Variants in GAS7 observed in about 807,000 individuals in gnomAD.
GAS7 encodes growth arrest specific 7, also known as growth arrest-specific protein 7.
GAS7 carries 28 observed loss-of-function variants against 71.1 expected under a neutral mutation model. The observed-to-expected ratio is 0.39, with a 90% CI of 0.29 to 0.54. The LOEUF (loss-of-function observed/expected upper bound fraction) is 0.54. Among genes scored for constraint, GAS7 ranks in the 20% least tolerant of loss-of-function variants. GAS7 has a pLI of 0.62. For synonymous variants in GAS7, 258 were observed against 245.8 expected (o/e 1.05, Z -0.46); for missense variants, 436 against 627.8 (o/e 0.69, Z 3.27).
intron 2 of GAS7, among the ~76,000 whole-genome samples, chr17:10,007,888 C>T (rs987050274): frequency 2.1e-5 from 3 of 144,870 alleles, no homozygotes; most frequent in Non-Finnish European, 4.5e-5. Context: ...CAGTCACTCG[C>T]CATTAATTCC....
intron 2 of GAS7, among the ~76,000 whole-genome samples, chr17:10,010,056 G>C (rs1236222731): frequency 6.6e-6 from 1 of 152,138 alleles, no homozygotes; most frequent in Admixed American, 6.5e-5. Flanking sequence ...GTCACAGCTT[G>C]GCTTATAAAT....
intron 1 of GAS7, among the ~76,000 whole-genome samples, chr17:10,184,623 C>G (rs2074438875): frequency 6.6e-6 from 1 of 152,044 alleles, no homozygotes; most frequent in African/African-American, 2.4e-5. Context: ...TGCAGAATCC[C>G]AGTGTGGTGT....
At chr17:9,947,470 C>T (rs1414362318) in intron 5 of GAS7, among the ~76,000 whole-genome samples, 9 of 152,152 alleles carry the variant, frequency 5.9e-5, no homozygotes, top group Non-Finnish European at 1.3e-4. Context: ...AGCGGCCGGG[C>T]GCGGTGGCTC....
chr17:9,993,015 T>C (rs903303418), intron 2 of GAS7, among the ~76,000 whole-genome samples: 16 of 152,040 alleles, frequency 1.1e-4, no homozygotes, highest in Non-Finnish European at 1.8e-4. Context: ...TGTTGGACAT[T>C]TGGGTTGGTT....
intron 2 of GAS7, among the ~76,000 whole-genome samples, chr17:9,983,780 C>T (rs951044675): frequency 1.3e-5 from 2 of 152,034 alleles, no homozygotes; most frequent in Non-Finnish European, 2.9e-5. Context: ...GAGTGAGACT[C>T]CATCTCAAAA....
intron 1 of GAS7, among the ~76,000 whole-genome samples, chr17:10,145,414 C>G (rs72809390): frequency 1.3e-5 from 2 of 152,100 alleles, no homozygotes; most frequent in African/African-American, 4.8e-5. Flanking sequence ...GTGTAAGACC[C>G]GAAGAGCTCT....
chr17:9,927,497 C>CA (rs2068054155), intron 9 of GAS7, among the ~76,000 whole-genome samples: 3 of 150,988 alleles, frequency 2.0e-5, no homozygotes, highest in Non-Finnish European at 4.4e-5. Flanking sequence ...AAAAACAAAA[C>CA]AAACAAACAA....
intron 1 of GAS7, among the ~76,000 whole-genome samples, chr17:10,072,726 C>A (rs983733416): frequency 2.0e-5 from 3 of 152,134 alleles, no homozygotes; most frequent in African/African-American, 7.2e-5. Flanking sequence ...AAAGAACAGA[C>A]CAGACGGCTT....
At chr17:10,110,599 G>C (rs1002978434) in intron 1 of GAS7, among the ~76,000 whole-genome samples, 1 of 152,088 alleles carries the variant, frequency 6.6e-6, no homozygotes, top group Non-Finnish European at 1.5e-5. Context: ...AGCCTCCCAA[G>C]TAGTTGGGAC....
At chr17:10,134,877 G>C (rs1433853152) in intron 1 of GAS7, among the ~76,000 whole-genome samples, 1 of 151,194 alleles carries the variant, frequency 6.6e-6, no homozygotes, top group East Asian at 1.9e-4. Context: ...CCTATCGCCA[G>C]GCTGGAGTGC....
chr17:10,035,791 C>T (rs2152223917), intron 1 of GAS7, among the ~76,000 whole-genome samples: 1 of 152,282 alleles, frequency 6.6e-6, no homozygotes, highest in Non-Finnish European at 1.5e-5. Flanking sequence ...GAGCTTCCAT[C>T]ATCACTGTTG....
intron 1 of GAS7, among the ~76,000 whole-genome samples, chr17:10,053,253 C>T (rs1454559354): frequency 6.6e-6 from 1 of 152,116 alleles, no homozygotes; most frequent in African/African-American, 2.4e-5. Context: ...ACAACGGCTT[C>T]GCGAGCCTGG....
chr17:10,150,345 T>C (rs1385830229), intron 1 of GAS7, among the ~76,000 whole-genome samples: 1 of 151,680 alleles, frequency 6.6e-6, no homozygotes, highest in Non-Finnish European at 1.5e-5. Flanking sequence ...CTTCCGCCCA[T>C]TCCCCTTTGA....
At chr17:10,093,849 A>G (rs968403196) in intron 1 of GAS7, among the ~76,000 whole-genome samples, 2 of 152,126 alleles carry the variant, frequency 1.3e-5, no homozygotes, top group African/African-American at 4.8e-5. Context: ...ACGTATTTCA[A>G]TACGTGTTAT....
At position 10,065,734 on chromosome 17, in the gene GAS7, A is replaced by G. The variant is rs1427555893; in HGVS notation, c.184-45837T>C. 3.3e-5 allele frequency among the ~76,000 whole-genome samples: 5 copies of G among 152,220 alleles called. No homozygotes were observed. The East Asian group carries it at 9.6e-4, about 29-fold the overall frequency. The stretch of plus-strand genomic sequence containing the variant: ...GGTTCTGGGGATTAGGACGTAGACA[A>G]TCTTGGAGAGCCACTATCAGCTGCC... On this transcript the variant is annotated intron_variant, in intron 1 of 13. Transcript: ENST00000432992.
At chr17:10,061,518 C>T (rs1045440944) in intron 1 of GAS7, 1 of 152,272 alleles carries the variant, frequency 6.6e-6, no homozygotes, top group Non-Finnish European at 1.5e-5. Flanking sequence ...AAGGCCCCAG[C>T]AAGCAATCCT....
chr17:9,997,919 T>C (rs898440963), intron 2 of GAS7, among the ~76,000 whole-genome samples: 4 of 152,234 alleles, frequency 2.6e-5, no homozygotes, highest in Non-Finnish European at 5.9e-5. Flanking sequence ...AGGGCTTCCA[T>C]GCCCTCTCCT....
At chr17:10,080,017 T>A (rs7214058) in intron 1 of GAS7, among the ~76,000 whole-genome samples, 22 of 151,838 alleles carry the variant, frequency 1.4e-4, no homozygotes, top group African/African-American at 5.3e-4. Flanking sequence ...AAAAGATAAG[T>A]CTGAGACCTA....
intron 1 of GAS7, chr17:10,039,644 C>G: frequency 2.3e-6 from 1 of 429,634 alleles, no homozygotes; most frequent in African/African-American, 2.1e-5. Flanking sequence ...GATCATGCCA[C>G]TGCACTCCAA....
Sources: allele counts gnomAD v4.1 joint callset (sites outside exome capture counted in the v4.1 genomes callset), GRCh38; gene constraint gnomAD v4.1.1; transcripts MANE v1.5; gene names NCBI Gene and HGNC (gene_info 2026-07-23, HGNC 2026-07-21).